PCM1: variants seen among roughly 807,000 people sequenced by gnomAD.
PCM1 encodes pericentriolar material 1.
A neutral mutation model predicts 241.9 loss-of-function variants in PCM1; 157 were observed. The ratio of observed to expected loss-of-function variants is 0.65; its 90% CI spans 0.57 to 0.74. The LOEUF (loss-of-function observed/expected upper bound fraction) is 0.74. PCM1 is among the 30% of genes least tolerant of loss of function. The pLI is 0.00. For missense variants in PCM1, 3,478 were observed against 2,360.1 expected, an observed-to-expected ratio of 1.47 and a Z score of -9.81; for synonymous variants, 1,085 against 784.9, an observed-to-expected ratio of 1.38 and a Z score of -6.39.
chr8:17,940,894 C>A (rs2061812175), intron 6 of PCM1, among the ~76,000 whole-genome samples: 1 of 152,150 alleles, frequency 6.6e-6, no homozygotes, highest in Non-Finnish European at 1.5e-5. Flanking sequence ...CTATTACAGG[C>A]TAGTAAAGCT....
In PCM1 at chr8:17,957,582, C is replaced by T. The variant is rs757212131; in HGVS notation, c.1847C>T (p.Ala616Val). The T allele has an allele frequency of 1.9e-6, 3 of 1,572,420 alleles. No homozygotes were observed. Among genetic ancestry groups the T allele is most frequent in the South Asian group, 2.3e-5 (2 of 87,262 alleles). ...GAAGGGGAACAGGAGATTCATGTTG[C>T]ACAAGGTGAAGATGATGAGGAGGAG... is the stretch of plus-strand genomic sequence containing the variant. ...NREGEQEIHVAQGEDDEEEEE... is the reference protein window; with the variant it reads ...NREGEQEIHVVQGEDDEEEEE... The change falls in exon 13 of 39, where the codon GCA (alanine) becomes GTA (valine). Residue 616 changes from alanine (A) to valine (V), a missense_variant. Ala to Val is a moderately conservative substitution (Grantham distance 64). Coordinates refer to ENST00000325083, the MANE Select transcript of PCM1 (RefSeq NM_006197.4).
At chr8:17,969,528 C>A in intron 21 of PCM1, 49 bp from the exon 22 acceptor site, 1 of 1,308,268 alleles carries the variant, frequency 7.6e-7, no homozygotes, top group Non-Finnish European at 1.1e-6. Flanking sequence ...CATTTTAAAG[C>A]TAAAGACATT....
At position 17,962,128 on chromosome 8, in the gene PCM1, G is replaced by A; in HGVS notation, c.2417G>A (p.Ser806Asn). Residue 806 changes from serine to asparagine, a missense_variant, in exon 16 of 39, where the codon AGC (serine) becomes AAC (asparagine). By Grantham distance (46) the Ser-to-Asn change is conservative. Transcript: ENST00000325083. ...GTTAATCAACACGAGACCAGTACAA[G>A]CAAATCTGTTTTTGAGCCTGAAGAT... ...PTVNQHETST[S>N]KSVFEPEDSS... 6.2e-7 allele frequency: 1 copy of A among 1,609,914 alleles called. No individual in the cohort carries two copies.
intron 6 of PCM1, 50 bp downstream of exon 6, chr8:17,939,911 G>A (rs751061393): frequency 1.7e-6 from 2 of 1,180,444 alleles, no homozygotes; most frequent in Non-Finnish European, 1.2e-6. Context: ...GTATCTCAGT[G>A]TGTATTTACT....
chr8:17,960,391 A>T lies in PCM1; in HGVS notation c.2269A>T (p.Ile757Phe), dbSNP rs779033916. The change falls in exon 15 of 39, where the codon ATT becomes TTT. Residue 757 changes from isoleucine (I) to phenylalanine (F), a missense_variant. By Grantham distance (21) the Ile-to-Phe change is conservative. Coordinates refer to ENST00000325083, the MANE Select transcript of PCM1 (RefSeq NM_006197.4). ...KQLQEERKKL[I>F]DIQEKIQALQ... ...ATTGCAGGAAGAAAGAAAGAAACTG[A>T]TTGACATTCAGGAGAAAATTCAAGC... 1 of 1,608,194 alleles carries T rather than the reference A, an allele frequency of 6.2e-7. No homozygotes were observed. The highest frequency in any genetic ancestry group is 1.7e-5 in the Admixed American group (1 of 58,868).
At chr8:17,973,435 A>G (rs767807750) in intron 23 of PCM1, among the ~76,000 whole-genome samples, 2 of 151,922 alleles carry the variant, frequency 1.3e-5, no homozygotes, top group African/African-American at 2.4e-5. Context: ...TTTGGTGCCT[A>G]AGGCTAGTTG....
intron 7 of PCM1, among the ~76,000 whole-genome samples, chr8:17,948,806 T>A (rs2129456895): frequency 6.6e-6 from 1 of 152,346 alleles, no homozygotes; most frequent in Non-Finnish European, 1.5e-5. Context: ...GACTAACCTT[T>A]TAAATATTTT....
At position 18,029,607 on chromosome 8, in the gene PCM1, TTAA is replaced by T. The variant is rs1588943209; in HGVS notation, c.*1947_*1949del. ...TATTTGACTGGTGTTACAGCTGCTA[TTAA>T]TCTAAGTCTATTGTTTTTCTATTTT... On this transcript the variant is annotated 3_prime_UTR_variant, in exon 39 of 39. Coordinates refer to ENST00000325083, the MANE Select transcript of PCM1 (RefSeq NM_006197.4). The T allele has an allele frequency of 4.9e-6, 1 of 204,754 alleles. No individual in the cohort carries two copies. The highest frequency in any genetic ancestry group is 7.4e-5 in the East Asian group (1 of 13,456). The allele number at this position is 204,754 out of a possible 1,614,324, so 12.7% of individuals were successfully genotyped here.
intron 29 of PCM1, among the ~76,000 whole-genome samples, chr8:17,998,566 G>A (rs2087882606): frequency 2.6e-5 from 4 of 152,200 alleles, no homozygotes. Context: ...GGGTGATGGA[G>A]GCACCCCTTT....
At position 17,955,680 on chromosome 8, in the gene PCM1, A is replaced by G. The variant is rs751386763; in HGVS notation, c.1472+27A>G. On this transcript the variant is annotated intron_variant, in intron 10 of 38. Coordinates refer to ENST00000325083, the MANE Select transcript of PCM1 (RefSeq NM_006197.4). ...TAAAACATTTATAATCATTGTTTAC[A>G]TGAAGTTAAATAATAGGGATAAATT... 12 of 1,530,746 alleles carry G rather than the reference A, an allele frequency of 7.8e-6. No homozygotes were observed. In the Admixed American group the frequency reaches 1.2e-4, roughly 15 times the overall value. 94.8% of individuals were successfully genotyped at this position (1,530,746 alleles called of 1,614,324 possible).
chr8:18,015,804 G>C (rs1173528029), intron 36 of PCM1: 1 of 152,214 alleles, frequency 6.6e-6, no homozygotes, highest in Non-Finnish European at 1.5e-5. Flanking sequence ...TGTGCTCACT[G>C]CTTTCTCGCT....
intron 1 of PCM1, among the ~76,000 whole-genome samples, chr8:17,924,504 G>C (rs1049267584): frequency 2.0e-5 from 3 of 152,166 alleles, no homozygotes; most frequent in African/African-American, 7.2e-5. Context: ...TAAGATTTCA[G>C]AAGTTTAGGG....
intron 29 of PCM1, among the ~76,000 whole-genome samples, chr8:18,003,288 T>A (rs56087922): frequency 1.3e-5 from 2 of 152,212 alleles, no homozygotes; most frequent in Non-Finnish European, 2.9e-5. Flanking sequence ...GTAGTTGAGC[T>A]CTTTAGACGC....
At chr8:17,982,586 C>A (rs1027793373) in intron 24 of PCM1, 2 of 152,200 alleles carry the variant, frequency 1.3e-5, no homozygotes, top group Admixed American at 1.3e-4. Context: ...CCTCTGCCTC[C>A]CGGGTTCGAG....
chr8:18,012,698 A>G (rs898726638), intron 34 of PCM1, among the ~76,000 whole-genome samples: 2 of 152,064 alleles, frequency 1.3e-5, no homozygotes, highest in African/African-American at 4.8e-5. Context: ...AATTCTCTTT[A>G]TTACTGCCAC....
rs2083934872 is a variant in PCM1 at position 17,989,933 on chromosome 8, C to G, written c.4485C>G (p.Val1495=). The G allele has an allele frequency of 6.5e-7, 1 of 1,543,548 alleles. No homozygotes were observed. The highest frequency in any genetic ancestry group is 8.8e-7 in the Non-Finnish European group (1 of 1,142,260). ...SEQNDADNAS[V]LSVSSNFEPF... is the part of the protein sequence containing the mutation. ...AAAATGATGCTGATAATGCTAGTGT[C>G]CTGTCTGTATCATCAAATTTTGAGC... Residue 1495 remains valine (V), a synonymous_variant, in exon 27 of 39, where the codon GTC becomes GTG. Transcript: ENST00000325083.
At position 17,969,703 on chromosome 8, in the gene PCM1, C is replaced by T. The variant is rs998736814; in HGVS notation, c.3539C>T (p.Pro1180Leu). 3 of 1,612,412 alleles carry T rather than the reference C, an allele frequency of 1.9e-6. No individual in the cohort carries two copies. In the African/African-American group the frequency reaches 4.0e-5, roughly 22 times the overall value. The change falls in exon 22 of 39, where the codon CCA becomes CTA. Residue 1180 changes from proline (P) to leucine (L), a missense_variant. Transcript: ENST00000325083. ...GGAAAAACAGAATATATGGCTTTTC[C>T]AAAACCTTTTGAAAGCAGTTCCTCT... ...SSGKTEYMAF[P>L]KPFESSSSIG... is the part of the protein sequence containing the mutation.
intron 31 of PCM1, 47 bp downstream of exon 31, chr8:18,009,791 C>A: frequency 1.7e-6 from 2 of 1,160,304 alleles, no homozygotes; most frequent in Non-Finnish European, 2.3e-6. Flanking sequence ...CACATAAATA[C>A]AGTTCTTGAT....
At chr8:17,939,563 A>G (rs942998455) in intron 5 of PCM1, 128 bp from the exon 6 acceptor site, 36 of 478,862 alleles carry the variant, frequency 7.5e-5, no homozygotes, top group Admixed American at 2.7e-4. Context: ...AATTCACACA[A>G]TAATCCAAGT....
Sources: gnomAD v4.1 joint callset for allele counts (sites outside exome capture counted in the v4.1 genomes callset) on GRCh38, gnomAD v4.1.1 for gene constraint, MANE v1.5 for transcripts, NCBI Gene and HGNC (gene_info 2026-07-23, HGNC 2026-07-21) for gene names.